The following RGS11 variants were observed in gnomAD, a reference collection of about 807,000 sequenced individuals.
The protein encoded by RGS11 is regulator of G protein signaling 11, also known as regulator of G-protein signaling 11.
RGS11 carries 86 observed loss-of-function variants against 71.1 expected under a neutral mutation model. The observed-to-expected ratio is 1.21, with a 90% CI of 1.02 to 1.45. The LOEUF is 1.45. Among genes scored for constraint, RGS11 ranks in the 40% most tolerant of loss-of-function variants. RGS11 has a pLI of 0.00. For synonymous variants in RGS11, 298 were observed against 254.2 expected, an observed-to-expected ratio of 1.17 and a Z score of -1.64; for missense variants, 734 against 635.1, an observed-to-expected ratio of 1.16 and a Z score of -1.67.
At chr16:272,013 T>G in intron 9 of RGS11, 1 of 352,414 alleles carries the variant, frequency 2.8e-6, no homozygotes, top group Non-Finnish European at 4.6e-6. Context: ...ATTTTGTATT[T>G]TTAATAGAGA....
chr16:275,744 G>T, intron 1 of RGS11, 105 bp downstream of exon 1: 1 of 341,460 alleles, frequency 2.9e-6, no homozygotes, highest in Non-Finnish European at 4.5e-6. Context: ...CTCCGCCCCA[G>T]GCCCGCCCCG....
At position 273,572 on chromosome 16, in the gene RGS11, C is replaced by T. The variant is rs372008408; in HGVS notation, c.507-16G>A. 27 of 1,556,758 alleles carry T rather than the reference C, an allele frequency of 1.7e-5. No individual in the cohort carries two copies. Among genetic ancestry groups the T allele is most frequent in the South Asian group, 1.1e-4 (9 of 85,002 alleles). On this transcript the variant is annotated splice_polypyrimidine_tract_variant and intron_variant, in intron 7 of 16. Transcript: ENST00000397770. ...CTTGGCTGCCCTGGGAGGAGGAGGC[C>T]GAGTTGAGGGCACGCCCTGCACACA...
In RGS11 at chr16:274,090, C is replaced by T; in HGVS notation, c.382G>A (p.Ala128Thr). ...CCCCGTTTTCGGATGTTCTTCTTGG[C>T]CAGGTAGATGGCTGGAAGAACAGGG... ...AAELDYAIYL[A>T]KKNIRKRGTL... Residue 128 changes from alanine to threonine, a missense_variant, in exon 6 of 17, where the codon GCC becomes ACC. Coordinates refer to ENST00000397770, the MANE Select transcript of RGS11 (RefSeq NM_183337.3). 1.3e-6 allele frequency: 2 copies of T among 1,552,252 alleles called. No individual in the cohort carries two copies. The highest frequency in any genetic ancestry group is 1.2e-5 in the South Asian group (1 of 84,348).
chr16:268,684 A>G lies in RGS11; in HGVS notation c.*585T>C, dbSNP rs902035569. 5 of 1,367,594 alleles carry G rather than the reference A, an allele frequency of 3.7e-6. No homozygotes were observed. The highest frequency in any genetic ancestry group is 2.5e-5 in the East Asian group (1 of 39,616). 84.7% of individuals were successfully genotyped at this position (1,367,594 alleles called of 1,614,324 possible). A position where few individuals can be genotyped will look rare whatever the true frequency, so the allele number is the denominator to read the frequency against. On this transcript the variant is annotated 3_prime_UTR_variant, in exon 17 of 17. Coordinates refer to ENST00000397770, the MANE Select transcript of RGS11 (RefSeq NM_183337.3). ...CGGCGCACCTGTGGACAAATTCTGG[A>G]ACGCGTTTGGCGAGGGAGGAATAGG... is the stretch of plus-strand genomic sequence containing the variant.
intron 15 of RGS11, 53 bp downstream of exon 15, chr16:270,470 G>T: frequency 6.5e-7 from 1 of 1,534,310 alleles, no homozygotes; most frequent in South Asian, 1.2e-5. Flanking sequence ...TGGGGACATG[G>T]AGGCCCGTCT....
chr16:272,857 G>T lies in RGS11; in HGVS notation c.657+6C>A. The T allele has an allele frequency of 6.5e-7, 1 of 1,542,526 alleles. No individual in the cohort carries two copies. The highest frequency in any genetic ancestry group is 8.7e-7 in the Non-Finnish European group (1 of 1,146,248). ...GAGGGCGGCCAGCACGCACGCAGGGGCTCACCATGAGCACACGGCTGGCAG... is the reference window on the plus strand; with the variant it reads ...GAGGGCGGCCAGCACGCACGCAGGGTCTCACCATGAGCACACGGCTGGCAG... On this transcript the variant is annotated splice_donor_region_variant and intron_variant, in intron 9 of 16. Transcript: ENST00000397770.
At position 274,332 on chromosome 16, in the gene RGS11, C is replaced by T. The variant is rs905732046; in HGVS notation, c.319-67G>A. 6.6e-6 allele frequency: 10 copies of T among 1,523,570 alleles called. No homozygotes were observed. The African/African-American group carries it at 8.3e-5, about 13-fold the overall frequency. The allele number at this position is 1,523,570 out of a possible 1,614,324, so 94.4% of individuals were successfully genotyped here. On this transcript the variant is annotated intron_variant, in intron 4 of 16. Transcript: ENST00000397770. Reference sequence around the variant, plus strand: ...TGTGCCTCCCCAGTGTCACCCCACCCTCAGACCTCCCTGGGAAGAAGCCTG... The same window carrying T: ...TGTGCCTCCCCAGTGTCACCCCACCTTCAGACCTCCCTGGGAAGAAGCCTG...
intron 15 of RGS11, 105 bp from the exon 16 acceptor site, chr16:269,690 G>A (rs887032351): frequency 1.1e-6 from 1 of 915,702 alleles, no homozygotes; most frequent in Admixed American, 2.2e-5. Context: ...TCCAGCCACA[G>A]AGTCTCCGGC....
rs1018129727 is a variant in RGS11, at chr16:269,358, G to T, written c.1315C>A (p.Arg439=). Residue 439 remains arginine (R), a synonymous_variant, in exon 17 of 17, where the codon CGG becomes AGG. Coordinates refer to ENST00000397770, the MANE Select transcript of RGS11 (RefSeq NM_183337.3). ...RRVFPFTWRP[R]HSSPSPALLP... Reference sequence around the variant, plus strand: ...AGTGCAGGGCTGGGGCTCGAGTGCCGTGGCCTCCACGTAAACGGGAACACG... The same window carrying T: ...AGTGCAGGGCTGGGGCTCGAGTGCCTTGGCCTCCACGTAAACGGGAACACG... The T allele has an allele frequency of 6.2e-7, 1 of 1,603,196 alleles. No individual in the cohort carries two copies. The highest frequency in any genetic ancestry group is 1.1e-5 in the South Asian group (1 of 89,548).
At chr16:272,249 C>T in intron 9 of RGS11, 4 of 1,208,162 alleles carry the variant, frequency 3.3e-6, no homozygotes, top group South Asian at 1.5e-5. Context: ...TTGGTCGGCA[C>T]CTCGCTGGGG....
intron 9 of RGS11, 172 bp downstream of exon 9, chr16:272,691 G>A: frequency 6.8e-7 from 1 of 1,468,532 alleles, no homozygotes; most frequent in South Asian, 1.4e-5. Context: ...AGAGTTAGCA[G>A]GGGCCTGGGG....
chr16:273,643 C>T, intron 7 of RGS11, 87 bp from the exon 8 acceptor site: 4 of 1,488,916 alleles, frequency 2.7e-6, no homozygotes, highest in East Asian at 2.3e-5. Flanking sequence ...GGGCAGGCAG[C>T]CACACCCAGG....
rs991461015 is a variant in RGS11 at position 272,791 on chromosome 16, C to G, written c.657+72G>C. The G allele has an allele frequency of 3.7e-5, 57 of 1,534,498 alleles. No homozygotes were observed. In the Admixed American group the frequency reaches 3.7e-4, roughly 10 times the overall value. ...CCAAATGACGGACAGATGGGCAGTC[C>G]CATGGTGCGTCCAGCAGGGTGCAGC... On this transcript the variant is annotated intron_variant, in intron 9 of 16. Coordinates refer to ENST00000397770, the MANE Select transcript of RGS11 (RefSeq NM_183337.3).
At chr16:271,164 G>T (rs1412374991) in intron 12 of RGS11, 38 bp downstream of exon 12, 2 of 1,607,154 alleles carry the variant, frequency 1.2e-6, no homozygotes, top group East Asian at 2.2e-5. Flanking sequence ...CCCAGGCTGG[G>T]AGCACACCCG....
At position 271,551 on chromosome 16, in the gene RGS11, G is replaced by C. The variant is rs1314771715; in HGVS notation, c.676C>G (p.His226Asp). The change falls in exon 10 of 17, where the codon CAT (histidine) becomes GAT (aspartate). Residue 226 changes from histidine to aspartate, a missense_variant. His to Asp is a moderately conservative substitution (Grantham distance 81). Transcript: ENST00000397770. The stretch of plus-strand genomic sequence containing the variant: ...GCTCCAGAACTTACCTCCCGCTTAT[G>C]GAAATCTGCACTCTTGGTCTAGAAG... ...RVLMTKSADFHKREIEYFRKA... is the reference protein window; with the variant it reads ...RVLMTKSADFDKREIEYFRKA... The C allele has an allele frequency of 6.2e-7, 1 of 1,613,994 alleles. No individual in the cohort carries two copies. Among genetic ancestry groups the C allele is most frequent in the Middle Eastern group, 1.6e-4 (1 of 6,062 alleles).
Position 275,867 on chromosome 16 carries a change from CTGCGCCCGGG to C in RGS11, c.35_44del (p.Pro12ArgfsTer5). The C allele has an allele frequency of 9.6e-7, 1 of 1,043,318 alleles. No individual in the cohort carries two copies. Among genetic ancestry groups the C allele is most frequent in the South Asian group, 4.3e-5 (1 of 23,200 alleles). The allele number at this position is 1,043,318 out of a possible 1,614,324, so 64.6% of individuals were successfully genotyped here. A position where few individuals can be genotyped will look rare whatever the true frequency, so the allele number is the denominator to read the frequency against. On this transcript the variant is annotated frameshift_variant, in exon 1 of 17. Transcript: ENST00000397770. LOFTEE classifies it high-confidence loss of function. ...CTCGCACCTTCCTCAGATGCGGCAT[CTGCGCCCGGG>C]GGCGGCCGGGGGGCGGCGCGGGGCC...
intron 4 of RGS11, 184 bp from the exon 5 acceptor site, chr16:274,449 G>A (rs892011034): frequency 6.3e-6 from 4 of 636,462 alleles, no homozygotes; most frequent in African/African-American, 3.7e-5. Flanking sequence ...TAGAACTGAG[G>A]TCAACTCGCT....
chr16:269,075 T>C lies in RGS11; in HGVS notation c.*194A>G. ...CCCTGGGAATCCACACCTGGACCCATTCCTTCTGGGCAGGGAGGGCTTGCT... is the reference window on the plus strand; with the variant it reads ...CCCTGGGAATCCACACCTGGACCCACTCCTTCTGGGCAGGGAGGGCTTGCT... On this transcript the variant is annotated 3_prime_UTR_variant, in exon 17 of 17. Transcript: ENST00000397770. 1.0e-6 allele frequency: 1 copy of C among 985,798 alleles called. No homozygotes were observed. The highest frequency in any genetic ancestry group is 1.4e-5 in the South Asian group (1 of 71,972). 61.1% of individuals were successfully genotyped at this position (985,798 alleles called of 1,614,324 possible). A position where few individuals can be genotyped will look rare whatever the true frequency, so the allele number is the denominator to read the frequency against.
At position 273,797 on chromosome 16, in the gene RGS11, A is replaced by G; in HGVS notation, c.469T>C (p.Trp157Arg). The change falls in exon 7 of 17, where the codon TGG (tryptophan) becomes CGG (arginine). Residue 157 changes from tryptophan (W) to arginine (R), a missense_variant. Coordinates refer to ENST00000397770, the MANE Select transcript of RGS11 (RefSeq NM_183337.3). The stretch of plus-strand genomic sequence containing the variant: ...CTCGCCTGCATCAGCACCAGGTCCC[A>G]TGCGTGGTTGATCTTCTTGTGTAGC... The part of the protein sequence containing the change: ...DRLHKKINHA[W>R]DLVLMQAREQ... The G allele has an allele frequency of 6.2e-7, 1 of 1,613,178 alleles. No homozygotes were observed. The highest frequency in any genetic ancestry group is 8.5e-7 in the Non-Finnish European group (1 of 1,179,994).
Sources: allele counts gnomAD v4.1 joint callset, GRCh38; gene constraint gnomAD v4.1.1; transcripts MANE v1.5; gene names NCBI Gene and HGNC (gene_info 2026-07-23, HGNC 2026-07-21).